The following SEC63 variants were observed in gnomAD, a reference collection of about 807,000 sequenced individuals.
The protein encoded by SEC63 is SEC63 protein translocation regulator.
SEC63 carries 56 observed loss-of-function variants against 116.2 expected under a neutral mutation model. The observed-to-expected ratio is 0.48, with a 90% confidence interval of 0.39 to 0.60. SEC63 has a LOEUF of 0.60. SEC63 is among the 20% of genes least tolerant of loss of function. The pLI is 0.00. For synonymous variants in SEC63, 273 were observed against 294.6 expected (o/e 0.93, Z 0.75); for missense variants, 668 against 900.0 (o/e 0.74, Z 3.30).
At chr6:107,906,630 T>C (rs1787154417) in intron 9 of SEC63, 50 bp from the exon 10 acceptor site, 1 of 1,604,032 alleles carries the variant, frequency 6.2e-7, no homozygotes, top group African/African-American at 1.3e-5. Context: ...TTAAAAAAAG[T>C]ATTCACTTTA....
intron 1 of SEC63, among the ~76,000 whole-genome samples, chr6:107,933,272 A>T (rs902448880): frequency 2.0e-5 from 3 of 152,222 alleles, no homozygotes; most frequent in African/African-American, 7.2e-5. Context: ...ACTTTGGCCC[A>T]AAGAAACTGA....
At chr6:107,882,269 G>C (rs886522064) in intron 17 of SEC63, among the ~76,000 whole-genome samples, 4 of 152,014 alleles carry the variant, frequency 2.6e-5, no homozygotes, top group East Asian at 1.9e-4. Flanking sequence ...CCAAACTACA[G>C]TGTTACTTTT....
chr6:107,910,059 A>T (rs1787240308), intron 7 of SEC63, among the ~76,000 whole-genome samples: 1 of 152,250 alleles, frequency 6.6e-6, no homozygotes, highest in South Asian at 2.1e-4. Context: ...GAATGTGTGT[A>T]CATAAATTCA....
intron 10 of SEC63, among the ~76,000 whole-genome samples, chr6:107,905,858 GACTT>G (rs34873562): frequency 0.77 from 116,996 of 151,730 alleles, 46,347 homozygotes; most frequent in South Asian, 0.9. Flanking sequence ...CAAAACGTCT[GACTT>G]ACTTAGATCT....
chr6:107,952,087 CTTAA>C (rs1770591403), intron 1 of SEC63, among the ~76,000 whole-genome samples: 1 of 152,006 alleles, frequency 6.6e-6, no homozygotes, highest in African/African-American at 2.4e-5. Flanking sequence ...AGCTTTTGTC[CTTAA>C]TTGTCTGAAG....
intron 1 of SEC63, among the ~76,000 whole-genome samples, chr6:107,941,146 AG>A (rs759312675): frequency 6.6e-6 from 1 of 152,206 alleles, no homozygotes; most frequent in Non-Finnish European, 1.5e-5. Context: ...TTGAGCTGAA[AG>A]GGCCTCTGGA....
intron 11 of SEC63, 68 bp from the exon 12 acceptor site, chr6:107,903,066 C>T: frequency 1.3e-6 from 2 of 1,533,688 alleles, no homozygotes; most frequent in Non-Finnish European, 1.8e-6. Flanking sequence ...TACAATTCAT[C>T]ACAAAAACAA....
chr6:107,923,875 TGAATACAAGGTCATA>T (rs539979438), intron 3 of SEC63, among the ~76,000 whole-genome samples: 210 of 152,292 alleles, frequency 1.4e-3, no homozygotes, highest in Non-Finnish European at 2.7e-3. Context: ...TAAGTGTCAA[TGAATACAAGGTCATA>T]AGATTTTTAT....
intron 1 of SEC63, among the ~76,000 whole-genome samples, chr6:107,952,480 G>A (rs1460263063): frequency 5.3e-5 from 8 of 152,142 alleles, no homozygotes; most frequent in Non-Finnish European, 7.3e-5. Context: ...AAACTGGGCC[G>A]GGCACAGTGG....
chr6:107,952,633 C>G (rs1243312528), intron 1 of SEC63, among the ~76,000 whole-genome samples: 1 of 152,010 alleles, frequency 6.6e-6, no homozygotes, highest in East Asian at 1.9e-4. Context: ...TGGCAGGCAC[C>G]TGTAATACCA....
chr6:107,895,807 G>A (rs1458003024), intron 14 of SEC63, among the ~76,000 whole-genome samples: 1 of 141,680 alleles, frequency 7.1e-6, no homozygotes, highest in African/African-American at 2.6e-5. Flanking sequence ...AAGATCCTTT[G>A]AACCCAGGAG....
intron 1 of SEC63, among the ~76,000 whole-genome samples, chr6:107,953,243 G>C (rs1770616591): frequency 2.0e-5 from 3 of 152,266 alleles, no homozygotes; most frequent in African/African-American, 7.2e-5. Context: ...CTGGGTGACA[G>C]AGCAAGGCTC....
At chr6:107,889,190 G>C (rs1468329540) in intron 16 of SEC63, among the ~76,000 whole-genome samples, 1 of 152,138 alleles carries the variant, frequency 6.6e-6, no homozygotes, top group South Asian at 2.1e-4. Context: ...TGTAGCTCTG[G>C]TAGAATTTGG....
At position 107,901,420 on chromosome 6, in the gene SEC63, A is replaced by T; in HGVS notation, c.1307T>A (p.Met436Lys). ...ATATGGAAAACTCCCAAGGACAGCCATAACCTCTTCATATTTTTCATCTTC... is the reference window on the plus strand; with the variant it reads ...ATATGGAAAACTCCCAAGGACAGCCTTAACCTCTTCATATTTTTCATCTTC... ...FLEDEKYEEV[M>K]AVLGSFPYVT... Residue 436 changes from methionine to lysine, a missense_variant, in exon 13 of 21, where the codon ATG becomes AAG. By Grantham distance (95) the Met-to-Lys change is moderately conservative. Around this residue, in one of 5 missense-constraint regions of SEC63, gnomAD observed 430 missense variants for 557.5 expected, o/e 0.77. Coordinates refer to ENST00000369002, the MANE Select transcript of SEC63 (RefSeq NM_007214.5). 1 of 1,613,490 alleles carries T rather than the reference A, an allele frequency of 6.2e-7. No homozygotes were observed. The highest frequency in any genetic ancestry group is 8.5e-7 in the Non-Finnish European group (1 of 1,179,644).
chr6:107,885,500 G>A (rs923771937), intron 16 of SEC63, among the ~76,000 whole-genome samples: 1 of 152,138 alleles, frequency 6.6e-6, no homozygotes, highest in Non-Finnish European at 1.5e-5. Context: ...AAAAATTAGG[G>A]AAGATCCAAA....
At chr6:107,917,129 A>G (rs1787423344) in intron 4 of SEC63, among the ~76,000 whole-genome samples, 1 of 152,246 alleles carries the variant, frequency 6.6e-6, no homozygotes, top group African/African-American at 2.4e-5. Flanking sequence ...AGCCACAAAC[A>G]ACAGCATGAG....
At chr6:107,932,122 A>T in intron 1 of SEC63, 1 of 180,390 alleles carries the variant, frequency 5.5e-6, no homozygotes, top group Non-Finnish European at 1.1e-5. Flanking sequence ...CAGGCTGTGA[A>T]GAAGCTCTAT....
intron 4 of SEC63, among the ~76,000 whole-genome samples, chr6:107,916,655 C>A (rs1787406752): frequency 6.6e-6 from 1 of 152,226 alleles, no homozygotes; most frequent in African/African-American, 2.4e-5. Flanking sequence ...CACTTCATGT[C>A]CCTCTCTCAC....
At chr6:107,927,676 C>A (rs1458930925) in intron 2 of SEC63, among the ~76,000 whole-genome samples, 1 of 152,128 alleles carries the variant, frequency 6.6e-6, no homozygotes, top group Non-Finnish European at 1.5e-5. Flanking sequence ...AGATAAGAGA[C>A]TGGGAGGCCA....
Sources: gnomAD v4.1 joint callset for allele counts (sites outside exome capture counted in the v4.1 genomes callset) on GRCh38, gnomAD v4.1.1 for gene constraint, gnomAD v4.1.1 regional missense constraint, MANE v1.5 for transcripts, NCBI Gene and HGNC (gene_info 2026-07-23, HGNC 2026-07-21) for gene names.